Variants in CPNE8 observed in about 807,000 individuals in gnomAD.
CPNE8 encodes the protein copine-8.
In CPNE8, 45 loss-of-function variants were observed where a neutral mutation model predicts 81.5. The ratio of observed to expected loss-of-function variants is 0.55; its 90% CI spans 0.44 to 0.71. CPNE8 has a LOEUF of 0.71. Among genes scored for constraint, CPNE8 ranks in the 30% least tolerant of loss-of-function variants. The pLI is 0.00. For synonymous variants in CPNE8, 252 were observed against 226.3 expected (o/e 1.11, Z -1.02); for missense variants, 594 against 672.1 (o/e 0.88, Z 1.28).
rs1300077818 is a variant in CPNE8 at position 38,799,529 on chromosome 12, T to A, written c.408-23228A>T. Among the ~76,000 whole-genome samples the A allele has an allele frequency of 2.0e-5, 3 of 152,040 alleles. No homozygotes were observed. In the East Asian group the frequency reaches 5.8e-4, roughly 29 times the overall value. Reference sequence around the variant, plus strand: ...CAAAGACACAACATACCAGAATCTCTGGGACGCATTCAAAGCAGTGTGTAG... The same window carrying A: ...CAAAGACACAACATACCAGAATCTCAGGGACGCATTCAAAGCAGTGTGTAG... On this transcript the variant is annotated intron_variant, in intron 6 of 19. Transcript: ENST00000331366.
At chr12:38,670,599 A>G in intron 19 of CPNE8, 130 bp downstream of exon 19, 4 of 580,286 alleles carry the variant, frequency 6.9e-6, no homozygotes, top group Non-Finnish European at 1.2e-5. Flanking sequence ...AAATATATTT[A>G]GTTTTTGTTG....
chr12:38,745,002 C>T (rs1021294752), intron 10 of CPNE8, among the ~76,000 whole-genome samples: 21 of 152,192 alleles, frequency 1.4e-4, no homozygotes, highest in Admixed American at 1.4e-3. Flanking sequence ...TTTCCCACAC[C>T]TTTGGCCATG....
At chr12:38,823,078 A>G (rs926999026) in intron 6 of CPNE8, among the ~76,000 whole-genome samples, 1 of 152,120 alleles carries the variant, frequency 6.6e-6, no homozygotes, top group Non-Finnish European at 1.5e-5. Context: ...CTTCTCACAG[A>G]CATTTGATCT....
intron 6 of CPNE8, among the ~76,000 whole-genome samples, chr12:38,814,299 C>CCAGA (rs1169175736): frequency 6.5e-4 from 96 of 146,578 alleles, no homozygotes; most frequent in African/African-American, 2.4e-3. Context: ...GTTTAAGGAG[C>CCAGA]CAGACCTGGC....
chr12:38,699,650 G>GT (rs891685191), intron 14 of CPNE8, among the ~76,000 whole-genome samples: 11 of 150,724 alleles, frequency 7.3e-5, no homozygotes, highest in Admixed American at 2.0e-4. Context: ...CCGAACCACG[G>GT]TCTATTTCAC....
At chr12:38,755,630 T>A (rs1381247276) in intron 10 of CPNE8, among the ~76,000 whole-genome samples, 5 of 152,190 alleles carry the variant, frequency 3.3e-5, no homozygotes, top group African/African-American at 1.2e-4. Context: ...AGTATAGGAA[T>A]GATTTTAGCA....
At chr12:38,826,000 T>C (rs1343956614) in intron 6 of CPNE8, among the ~76,000 whole-genome samples, 1 of 152,200 alleles carries the variant, frequency 6.6e-6, no homozygotes, top group East Asian at 1.9e-4. Context: ...CACTACTGTT[T>C]AATGAATGTA....
Position 38,799,850 on chromosome 12 carries a change from G to T in CPNE8, c.408-23549C>A, listed in dbSNP as rs369428606. Among the ~76,000 whole-genome samples, 8 of 151,108 alleles carry T rather than the reference G, an allele frequency of 5.3e-5. No homozygotes were observed. In the East Asian group the frequency reaches 1.4e-3, roughly 26 times the overall value. ...CGAGGCATTGCCTCACCTGGGAAGC[G>T]CAAGGGGTCAGGGAGTTCCCTTTCC... On this transcript the variant is annotated intron_variant, in intron 6 of 19. Coordinates refer to ENST00000331366, the MANE Select transcript of CPNE8 (RefSeq NM_153634.3).
chr12:38,692,949 T>C (rs1004626240), intron 15 of CPNE8, among the ~76,000 whole-genome samples: 1 of 152,156 alleles, frequency 6.6e-6, no homozygotes, highest in African/African-American at 2.4e-5. Flanking sequence ...TTTAGATTAC[T>C]CACCCTGGGA....
intron 16 of CPNE8, chr12:38,679,699 C>A: frequency 1.0e-6 from 1 of 984,902 alleles, no homozygotes; most frequent in Non-Finnish European, 1.2e-6. Context: ...CACATTGTTG[C>A]ACTTTGAAAG....
chr12:38,797,941 G>A (rs1183201961), intron 6 of CPNE8, among the ~76,000 whole-genome samples: 1 of 152,098 alleles, frequency 6.6e-6, no homozygotes, highest in Non-Finnish European at 1.5e-5. Flanking sequence ...CTAGAAGAAA[G>A]GGTATCAGTG....
At chr12:38,668,848 G>T (rs1180476247) in intron 19 of CPNE8, among the ~76,000 whole-genome samples, 1 of 152,006 alleles carries the variant, frequency 6.6e-6, no homozygotes, top group Non-Finnish European at 1.5e-5. Flanking sequence ...AGGAGGTCGA[G>T]ACCATTCTGG....
At chr12:38,818,917 C>T (rs1048794713) in intron 6 of CPNE8, among the ~76,000 whole-genome samples, 3 of 152,038 alleles carry the variant, frequency 2.0e-5, no homozygotes, top group Admixed American at 6.6e-5. Context: ...GTTTGTTGGC[C>T]GCATAAGTGT....
At chr12:38,760,699 A>G (rs1345383411) in intron 10 of CPNE8, 148 bp downstream of exon 10, 1 of 655,764 alleles carries the variant, frequency 1.5e-6, no homozygotes, top group Non-Finnish European at 2.7e-6. Flanking sequence ...TGCTCATTTT[A>G]AAATTTCATG....
intron 11 of CPNE8, among the ~76,000 whole-genome samples, chr12:38,729,383 C>T (rs1940779630): frequency 1.3e-5 from 2 of 151,750 alleles, no homozygotes; most frequent in African/African-American, 2.4e-5. Flanking sequence ...AAGTATACTA[C>T]TATATAGAGC....
chr12:38,879,351 A>G (rs1295049632), intron 1 of CPNE8, among the ~76,000 whole-genome samples: 3 of 150,104 alleles, frequency 2.0e-5, no homozygotes, highest in African/African-American at 4.9e-5. Context: ...ACTACATCCC[A>G]TTTTTCTCCC....
chr12:38,764,699 A>G (rs984853636), intron 8 of CPNE8, among the ~76,000 whole-genome samples: 3 of 152,078 alleles, frequency 2.0e-5, no homozygotes, highest in Non-Finnish European at 4.4e-5. Context: ...GGTTTGTTTC[A>G]GAAACAATAT....
At chr12:38,729,036 G>A (rs1940770898) in intron 11 of CPNE8, among the ~76,000 whole-genome samples, 2 of 152,070 alleles carry the variant, frequency 1.3e-5, no homozygotes, top group Admixed American at 6.6e-5. Flanking sequence ...AGAGTCTGGG[G>A]ACTGACTGAA....
intron 6 of CPNE8, among the ~76,000 whole-genome samples, chr12:38,801,177 A>T (rs1942657385): frequency 3.0e-5 from 1 of 33,320 alleles, no homozygotes; most frequent in African/African-American, 1.2e-4. Context: ...ATACTCCTCG[A>T]GAAGAGCAAC....
Sources: allele counts gnomAD v4.1 joint callset (sites outside exome capture counted in the v4.1 genomes callset), GRCh38; gene constraint gnomAD v4.1.1; transcripts MANE v1.5; gene names NCBI Gene and HGNC (gene_info 2026-07-23, HGNC 2026-07-21).